Variants in THRB observed in about 807,000 individuals in gnomAD.
THRB encodes the protein thyroid hormone receptor beta, also known as nuclear receptor subfamily 1 group A member 2.
In THRB, 12 loss-of-function variants were observed where a neutral mutation model predicts 47.8. The ratio of observed to expected loss-of-function variants is 0.25; its 90% CI spans 0.16 to 0.41. THRB has a LOEUF of 0.41. Ranked by LOEUF, THRB falls within the 10% of genes least tolerant of loss-of-function variation. The pLI is 1.00. For missense variants in THRB, 348 were observed against 589.2 expected (o/e 0.59, Z 4.24); for synonymous variants, 218 against 212.2 (o/e 1.03, Z -0.24).
At chr3:24,278,062 A>AGGT in intron 3 of THRB, among the ~76,000 whole-genome samples, 1 of 152,320 alleles carries the variant, frequency 6.6e-6, no homozygotes, top group Middle Eastern at 3.4e-3. Flanking sequence ...TGGGGATTTA[A>AGGT]GGTGGGTTAA....
chr3:24,143,745 C>T, intron 7 of THRB, 39 bp from the exon 8 acceptor site: 2 of 1,603,004 alleles, frequency 1.2e-6, no homozygotes, highest in Non-Finnish European at 1.7e-6. Flanking sequence ...CACACAGATG[C>T]TCCCAAGATA....
At chr3:24,340,053 G>T (rs79392000) in intron 1 of THRB, among the ~76,000 whole-genome samples, 4,230 of 152,256 alleles carry the variant, frequency 0.028, 62 homozygotes, top group Middle Eastern at 0.041. Flanking sequence ...CTGAGGTGAG[G>T]TTGGCACTAT....
At chr3:24,411,423 T>A (rs1438350693) in intron 1 of THRB, among the ~76,000 whole-genome samples, 3 of 151,762 alleles carry the variant, frequency 2.0e-5, no homozygotes, top group African/African-American at 7.3e-5. Flanking sequence ...AATCATAATG[T>A]CACTGTTCTT....
At chr3:24,284,099 C>A (rs1312889547) in intron 3 of THRB, among the ~76,000 whole-genome samples, 5 of 144,998 alleles carry the variant, frequency 3.4e-5, no homozygotes, top group African/African-American at 1.0e-4. Context: ...TCATATGGAA[C>A]CAAAAAAGAG....
chr3:24,153,920 C>T (rs2037403521), intron 5 of THRB, among the ~76,000 whole-genome samples: 1 of 152,130 alleles, frequency 6.6e-6, no homozygotes, highest in African/African-American at 2.4e-5. Flanking sequence ...TGACTGATGC[C>T]TTACTGTGTA....
At chr3:24,482,836 C>A (rs530949150) in intron 1 of THRB, among the ~76,000 whole-genome samples, 95 of 152,170 alleles carry the variant, frequency 6.2e-4, no homozygotes, top group African/African-American at 2.2e-3. Flanking sequence ...TGTACCTGAG[C>A]GACATTATCA....
At chr3:24,321,575 G>A (rs1043976910) in intron 2 of THRB, among the ~76,000 whole-genome samples, 5 of 151,992 alleles carry the variant, frequency 3.3e-5, no homozygotes, top group African/African-American at 1.2e-4. Context: ...GTCTAAGACG[G>A]GCTTCTAAGG....
intron 4 of THRB, among the ~76,000 whole-genome samples, chr3:24,197,027 T>A (rs958044706): frequency 6.6e-6 from 1 of 152,246 alleles, no homozygotes; most frequent in East Asian, 1.9e-4. Flanking sequence ...TCCATTTACA[T>A]ACATGTATAT....
At position 24,210,152 on chromosome 3, in the gene THRB, A is replaced by C. The variant is rs62253690; in HGVS notation, c.22+18786T>G. Reference sequence around the variant, plus strand: ...CTGCAAAATGGTCCATGCTTACTACACCAAGGAGAATTGGCAATTTGCTTC... The same window carrying C: ...CTGCAAAATGGTCCATGCTTACTACCCCAAGGAGAATTGGCAATTTGCTTC... On this transcript the variant is annotated intron_variant, in intron 4 of 10. Coordinates refer to ENST00000646209, the MANE Select transcript of THRB (RefSeq NM_001354712.2). Among the ~76,000 whole-genome samples the C allele has an allele frequency of 5.7e-3, 875 of 152,256 alleles. 7 individuals carry two copies. The highest frequency in any genetic ancestry group is 0.042 in the South Asian group (201 of 4,818).
At chr3:24,230,271 C>T (rs143958272) in intron 3 of THRB, among the ~76,000 whole-genome samples, 11 of 152,328 alleles carry the variant, frequency 7.2e-5, no homozygotes, top group African/African-American at 2.6e-4. Context: ...GGCTGCCTTT[C>T]CCACCACACT....
chr3:24,317,503 G>C (rs904991164), intron 2 of THRB, among the ~76,000 whole-genome samples: 4 of 152,082 alleles, frequency 2.6e-5, no homozygotes, highest in Non-Finnish European at 5.9e-5. Context: ...CCAATAAAAA[G>C]AGAGATGCTA....
intron 1 of THRB, among the ~76,000 whole-genome samples, chr3:24,367,894 T>C (rs1381191312): frequency 6.6e-6 from 1 of 152,152 alleles, no homozygotes; most frequent in Non-Finnish European, 1.5e-5. Flanking sequence ...AACATTGTGA[T>C]GAGAAGCCTA....
chr3:24,342,314 C>T lies in THRB; in HGVS notation c.-260-4943G>A, dbSNP rs549448247. 3.9e-5 allele frequency among the ~76,000 whole-genome samples: 6 copies of T among 152,078 alleles called. No individual in the cohort carries two copies. The East Asian group carries it at 5.8e-4, about 15-fold the overall frequency. On this transcript the variant is annotated intron_variant, in intron 1 of 10. Coordinates refer to ENST00000646209, the MANE Select transcript of THRB (RefSeq NM_001354712.2). ...AGAGAATAATGCAGGGGATTGATTA[C>T]GTAAGTGAAGGAAAAGATGTGAAGT... is the stretch of plus-strand genomic sequence containing the variant.
chr3:24,261,652 C>A lies in THRB; in HGVS notation c.-42-32651G>T, dbSNP rs537487435. Among the ~76,000 whole-genome samples, 4 of 152,248 alleles carry A rather than the reference C, an allele frequency of 2.6e-5. No homozygotes were observed. In the East Asian group the frequency reaches 5.8e-4, roughly 22 times the overall value. On this transcript the variant is annotated intron_variant, in intron 3 of 10. Coordinates refer to ENST00000646209, the MANE Select transcript of THRB (RefSeq NM_001354712.2). The stretch of plus-strand genomic sequence containing the variant: ...CTGCCTTTTTCTCTGAAAGTTTCTC[C>A]AATCAGACTTAGTTCTCTCCCCACT...
intron 4 of THRB, among the ~76,000 whole-genome samples, chr3:24,216,490 C>T (rs1033427574): frequency 6.6e-6 from 1 of 152,110 alleles, no homozygotes; most frequent in Non-Finnish European, 1.5e-5. Flanking sequence ...CACCTGTAGT[C>T]CCAGCTACTG....
intron 5 of THRB, among the ~76,000 whole-genome samples, chr3:24,180,683 G>A (rs2041785765): frequency 6.6e-6 from 1 of 152,200 alleles, no homozygotes. Flanking sequence ...CAAGAAGGCT[G>A]AACTGGCCAA....
intron 2 of THRB, among the ~76,000 whole-genome samples, chr3:24,328,366 A>T (rs2061718166): frequency 1.3e-5 from 2 of 152,222 alleles, no homozygotes; most frequent in Admixed American, 1.3e-4. Context: ...TCCAAACTGA[A>T]GTCTGCAGCC....
intron 3 of THRB, among the ~76,000 whole-genome samples, chr3:24,262,972 T>C (rs538318185): frequency 2.0e-5 from 3 of 152,332 alleles, no homozygotes; most frequent in African/African-American, 7.2e-5. Context: ...TCATCCAGTT[T>C]AGGTGGCTGG....
intron 1 of THRB, among the ~76,000 whole-genome samples, chr3:24,361,226 G>A (rs1222099243): frequency 6.6e-6 from 1 of 152,116 alleles, no homozygotes; most frequent in Non-Finnish European, 1.5e-5. Flanking sequence ...TATATTTATG[G>A]TTATGCACTT....
Sources: gnomAD v4.1 joint callset for allele counts (sites outside exome capture counted in the v4.1 genomes callset) on GRCh38, gnomAD v4.1.1 for gene constraint, MANE v1.5 for transcripts, NCBI Gene and HGNC (gene_info 2026-07-23, HGNC 2026-07-21) for gene names.